Variants in SUGCT observed in about 807,000 individuals in gnomAD.
The protein encoded by SUGCT is succinyl-CoA:glutarate-CoA transferase, also known as succinyl-CoA:glutarate CoA-transferase.
A neutral mutation model predicts 55.0 loss-of-function variants in SUGCT; 41 were observed. That is an observed-to-expected ratio of 0.74 (90% CI 0.58 to 0.97). SUGCT has a LOEUF of 0.97. SUGCT is among the 50% of genes least tolerant of loss of function. The pLI, the probability that SUGCT is intolerant of heterozygous loss-of-function variation, is 0.00. For missense variants in SUGCT, 568 were observed against 547.8 expected (o/e 1.04, Z -0.37); for synonymous variants, 187 against 200.4 (o/e 0.93, Z 0.56).
the SUGCT span, among the ~76,000 whole-genome samples, chr7:40,892,779 C>T: frequency 3.9e-5 from 6 of 152,180 alleles, no homozygotes; most frequent in Non-Finnish European, 4.4e-5. Flanking sequence ...CTCAAATGAT[C>T]CTCTCATCGT....
chr7:40,959,272 C>T, the SUGCT span, among the ~76,000 whole-genome samples: 9 of 152,224 alleles, frequency 5.9e-5, no homozygotes, highest in Admixed American at 5.2e-4. Flanking sequence ...CCCACAGCTG[C>T]ACCTTCTCCC....
At chr7:40,797,983 C>T (rs1193421680) in intron 13 of SUGCT, among the ~76,000 whole-genome samples, 1 of 152,126 alleles carries the variant, frequency 6.6e-6, no homozygotes, top group African/African-American at 2.4e-5. Flanking sequence ...GTTGCATGAC[C>T]TATGTTATTT....
At chr7:40,581,842 G>A (rs1160174881) in intron 12 of SUGCT, among the ~76,000 whole-genome samples, 9 of 152,168 alleles carry the variant, frequency 5.9e-5, no homozygotes, top group Non-Finnish European at 1.3e-4. Context: ...AGAGAATCTC[G>A]AGGAGTCCAA....
At chr7:40,318,555 A>C (rs1795555735) in intron 9 of SUGCT, among the ~76,000 whole-genome samples, 1 of 151,914 alleles carries the variant, frequency 6.6e-6, no homozygotes, top group Non-Finnish European at 1.5e-5. Flanking sequence ...TTCTGCCTCC[A>C]CCTCCTGAGT....
At chr7:40,576,866 C>T (rs1275317953) in intron 12 of SUGCT, among the ~76,000 whole-genome samples, 1 of 152,120 alleles carries the variant, frequency 6.6e-6, no homozygotes, top group East Asian at 1.9e-4. Flanking sequence ...CATCAGATTT[C>T]CCCCAGGAAA....
At chr7:40,351,936 T>G (rs931330707) in intron 9 of SUGCT, among the ~76,000 whole-genome samples, 2 of 152,236 alleles carry the variant, frequency 1.3e-5, no homozygotes, top group African/African-American at 4.8e-5. Flanking sequence ...AATGTCCAAG[T>G]TTCACCTCCA....
chr7:40,258,418 G>A lies in SUGCT; in HGVS notation c.577-16095G>A, dbSNP rs376638761. On this transcript the variant is annotated intron_variant, in intron 7 of 13. Coordinates refer to ENST00000335693, the MANE Select transcript of SUGCT (RefSeq NM_001193313.2). ...TTTTGAGACGGAGTCTTACTCTGTT[G>A]CCCAGGCTGGAGTGCAATGGCGCGA... Among the ~76,000 whole-genome samples, 56 of 152,172 alleles carry A rather than the reference G, an allele frequency of 3.7e-4. No individual in the cohort carries two copies. The South Asian group carries it at 0.011, about 31-fold the overall frequency.
intron 9 of SUGCT, among the ~76,000 whole-genome samples, chr7:40,389,760 C>T (rs1785320053): frequency 6.6e-6 from 1 of 152,178 alleles, no homozygotes; most frequent in Non-Finnish European, 1.5e-5. Context: ...TGTGATTATG[C>T]ACTACTCCTA....
intron 12 of SUGCT, among the ~76,000 whole-genome samples, chr7:40,556,734 A>G (rs959316071): frequency 6.6e-6 from 1 of 152,214 alleles, no homozygotes; most frequent in African/African-American, 2.4e-5. Context: ...ATAGTACTTT[A>G]TATGGGGTTA....
intron 8 of SUGCT, among the ~76,000 whole-genome samples, chr7:40,290,803 C>G (rs191175658): frequency 2.6e-5 from 4 of 151,966 alleles, no homozygotes; most frequent in African/African-American, 9.7e-5. Context: ...TCAAACAAAT[C>G]TACAAGAAAA....
chr7:40,932,869 G>A, the SUGCT span, among the ~76,000 whole-genome samples: 19 of 151,830 alleles, frequency 1.3e-4, no homozygotes, highest in African/African-American at 4.6e-4. Flanking sequence ...ACACTGATGG[G>A]TTTTGACTCT....
intron 12 of SUGCT, among the ~76,000 whole-genome samples, chr7:40,513,884 G>C (rs1793085479): frequency 6.7e-6 from 1 of 149,510 alleles, no homozygotes; most frequent in Non-Finnish European, 1.5e-5. Context: ...CTGTCTCCTG[G>C]GTTTAGGCCA....
chr7:40,447,217 T>C (rs1562784071), intron 9 of SUGCT, among the ~76,000 whole-genome samples: 1 of 152,322 alleles, frequency 6.6e-6, no homozygotes, highest in East Asian at 1.9e-4. Context: ...ATTTGGCCTT[T>C]AGTGACTGGC....
At chr7:40,564,422 C>T (rs1050761750) in intron 12 of SUGCT, among the ~76,000 whole-genome samples, 1 of 152,134 alleles carries the variant, frequency 6.6e-6, no homozygotes, top group African/African-American at 2.4e-5. Flanking sequence ...AATGCAACAT[C>T]TCAAACGATA....
At chr7:40,240,263 C>T (rs1789290860) in intron 7 of SUGCT, among the ~76,000 whole-genome samples, 1 of 151,998 alleles carries the variant, frequency 6.6e-6, no homozygotes, top group Non-Finnish European at 1.5e-5. Flanking sequence ...GTGGGCGGGT[C>T]ACCTGAGTTC....
chr7:40,676,897 G>A (rs1037585251), intron 12 of SUGCT, among the ~76,000 whole-genome samples: 2 of 39,646 alleles, frequency 5.0e-5, no homozygotes, highest in South Asian at 1.0e-3. Flanking sequence ...AGAATGACGT[G>A]TGTGTGTGTG....
chr7:40,412,161 G>C (rs938539278), intron 9 of SUGCT, among the ~76,000 whole-genome samples: 1 of 152,318 alleles, frequency 6.6e-6, no homozygotes, highest in African/African-American at 2.4e-5. Flanking sequence ...ATCATGCCTT[G>C]TGTAGTGTTC....
At chr7:40,983,926 G>A in the SUGCT span, among the ~76,000 whole-genome samples, 10 of 152,280 alleles carry the variant, frequency 6.6e-5, no homozygotes, top group South Asian at 2.1e-3. Context: ...TTGGTTGGGG[G>A]ATAGATGGAG....
intron 9 of SUGCT, among the ~76,000 whole-genome samples, chr7:40,443,263 G>T (rs958617133): frequency 1.3e-5 from 2 of 152,108 alleles, no homozygotes; most frequent in African/African-American, 4.8e-5. Flanking sequence ...GGGTCAAATG[G>T]TATTTCTAGT....
Sources: gnomAD v4.1 joint callset for allele counts (sites outside exome capture counted in the v4.1 genomes callset) on GRCh38, gnomAD v4.1.1 for gene constraint, MANE v1.5 for transcripts, NCBI Gene and HGNC (gene_info 2026-07-23, HGNC 2026-07-21) for gene names.